The following SUGCT variants were observed in gnomAD, a reference collection of about 807,000 sequenced individuals.
The protein encoded by SUGCT is succinyl-CoA:glutarate-CoA transferase.
SUGCT carries 41 observed loss-of-function variants against 55.0 expected under a neutral mutation model. The ratio of observed to expected loss-of-function variants is 0.74; its 90% CI spans 0.58 to 0.97. The LOEUF (loss-of-function observed/expected upper bound fraction) is 0.97. SUGCT is among the 50% of genes least tolerant of loss of function. The pLI is 0.00. For missense variants in SUGCT, 568 were observed against 547.8 expected, an observed-to-expected ratio of 1.04 and a Z score of -0.37; for synonymous variants, 187 against 200.4, an observed-to-expected ratio of 0.93 and a Z score of 0.56.
At chr7:40,522,434 T>C (rs932752916) in intron 12 of SUGCT, among the ~76,000 whole-genome samples, 2 of 152,128 alleles carry the variant, frequency 1.3e-5, no homozygotes, top group African/African-American at 4.8e-5. Context: ...GTTGCTACCA[T>C]TGTAATATCT....
At chr7:40,956,745 A>G in the SUGCT span, among the ~76,000 whole-genome samples, 59,097 of 151,918 alleles carry the variant, frequency 0.39, 12,079 homozygotes, top group Admixed American at 0.5. Flanking sequence ...GGTTTCTCCT[A>G]TGGGCATTTA....
intron 9 of SUGCT, among the ~76,000 whole-genome samples, chr7:40,439,064 GTA>G (rs1183426693): frequency 0.02 from 540 of 27,046 alleles, 11 homozygotes; most frequent in East Asian, 0.051. Context: ...TATATATGGT[GTA>G]TATATATATA....
chr7:40,593,109 C>T (rs988786646), intron 12 of SUGCT, among the ~76,000 whole-genome samples: 6 of 152,074 alleles, frequency 3.9e-5, no homozygotes, highest in African/African-American at 1.4e-4. Flanking sequence ...AGGATATGGC[C>T]AGGTAAGAAG....
At chr7:40,197,022 A>C (rs1360230081) in intron 6 of SUGCT, among the ~76,000 whole-genome samples, 1 of 152,024 alleles carries the variant, frequency 6.6e-6, no homozygotes, top group Non-Finnish European at 1.5e-5. Flanking sequence ...TTTAGTAGAG[A>C]TGGGGTTTCA....
In SUGCT at chr7:40,747,163, A is replaced by C. The variant is rs1294053879; in HGVS notation, c.1090-2271A>C. 2.6e-5 allele frequency among the ~76,000 whole-genome samples: 4 copies of C among 152,176 alleles called. No homozygotes were observed. The East Asian group carries it at 7.7e-4, about 29-fold the overall frequency. ...CCAGCTCTTGAGTACAAACCTGGTG[A>C]TCCCAAAAGAAAGCATCTCTGTGTG... On this transcript the variant is annotated intron_variant, in intron 12 of 13. Coordinates refer to ENST00000335693, the MANE Select transcript of SUGCT (RefSeq NM_001193313.2).
At chr7:41,025,968 G>C in the SUGCT span, among the ~76,000 whole-genome samples, 2 of 152,136 alleles carry the variant, frequency 1.3e-5, no homozygotes. Flanking sequence ...GGGTCGAGGG[G>C]TGGACTCCAG....
At chr7:40,938,955 A>G in the SUGCT span, among the ~76,000 whole-genome samples, 2 of 152,260 alleles carry the variant, frequency 1.3e-5, no homozygotes, top group African/African-American at 2.4e-5. Context: ...CATCTTTGCA[A>G]TTGTGAATTG....
At chr7:40,969,636 C>T in the SUGCT span, among the ~76,000 whole-genome samples, 1 of 152,222 alleles carries the variant, frequency 6.6e-6, no homozygotes, top group Non-Finnish European at 1.5e-5. Context: ...GAATTACAGG[C>T]ATGAGCCGCT....
chr7:40,993,752 G>A, the SUGCT span, among the ~76,000 whole-genome samples: 44 of 152,268 alleles, frequency 2.9e-4, 1 homozygote, highest in South Asian at 6.2e-3. Context: ...ACTGGATGCC[G>A]CTCAGAGCTG....
the SUGCT span, among the ~76,000 whole-genome samples, chr7:40,997,130 C>G: frequency 3.3e-5 from 5 of 152,180 alleles, no homozygotes; most frequent in Admixed American, 2.0e-4. Flanking sequence ...TTTTAAACTG[C>G]CTGCTCCACC....
At chr7:40,350,009 T>C (rs964723700) in intron 9 of SUGCT, among the ~76,000 whole-genome samples, 1 of 152,146 alleles carries the variant, frequency 6.6e-6, no homozygotes, top group African/African-American at 2.4e-5. Context: ...TTTGTCAACA[T>C]AGATTTTTTA....
At position 40,591,027 on chromosome 7, in the gene SUGCT, T is replaced by A. The variant is rs115624843; in HGVS notation, c.1089+94641T>A. The stretch of plus-strand genomic sequence containing the variant: ...TTCATGCCTACTGACACAGCATCCA[T>A]TGTGCAGCCCATGGATCAAGGAGCA... On this transcript the variant is annotated intron_variant, in intron 12 of 13. Coordinates refer to ENST00000335693, the MANE Select transcript of SUGCT (RefSeq NM_001193313.2). Among the ~76,000 whole-genome samples, 1,472 of 152,292 alleles carry A rather than the reference T, an allele frequency of 9.7e-3. 19 individuals carry two copies. Among genetic ancestry groups the A allele is most frequent in the East Asian group, 0.03 (155 of 5,188 alleles).
intron 12 of SUGCT, among the ~76,000 whole-genome samples, chr7:40,506,630 ATTC>A (rs1583855475): frequency 6.6e-6 from 1 of 152,078 alleles, no homozygotes; most frequent in Admixed American, 6.5e-5. Context: ...ATTTTTAAAA[ATTC>A]TTCTTTCTTC....
At chr7:41,024,990 C>T in the SUGCT span, among the ~76,000 whole-genome samples, 1 of 152,098 alleles carries the variant, frequency 6.6e-6, no homozygotes, top group Non-Finnish European at 1.5e-5. Context: ...AATGAATATC[C>T]TAAATCTACA....
At chr7:40,186,520 A>C (rs1785519731) in intron 3 of SUGCT, among the ~76,000 whole-genome samples, 1 of 151,918 alleles carries the variant, frequency 6.6e-6, no homozygotes, top group Non-Finnish European at 1.5e-5. Flanking sequence ...TGGCCTCCCA[A>C]AGTGTTGGGA....
chr7:40,578,280 A>G (rs1162475138), intron 12 of SUGCT, among the ~76,000 whole-genome samples: 1 of 152,218 alleles, frequency 6.6e-6, no homozygotes, highest in Admixed American at 6.5e-5. Flanking sequence ...TGGGAAAACC[A>G]GGAAGACTGG....
At chr7:40,410,368 G>A (rs1414482282) in intron 9 of SUGCT, among the ~76,000 whole-genome samples, 2 of 151,922 alleles carry the variant, frequency 1.3e-5, no homozygotes, top group Non-Finnish European at 2.9e-5. Context: ...ATAAATGAAG[G>A]CAATAGGGAG....
intron 9 of SUGCT, among the ~76,000 whole-genome samples, chr7:40,362,765 A>G (rs1798218612): frequency 6.6e-6 from 1 of 152,258 alleles, no homozygotes; most frequent in African/African-American, 2.4e-5. Flanking sequence ...GTTTTTTTGT[A>G]TATTCACAAG....
chr7:40,272,866 G>A (rs1792184344), intron 7 of SUGCT, among the ~76,000 whole-genome samples: 1 of 147,108 alleles, frequency 6.8e-6, no homozygotes, highest in South Asian at 2.2e-4. Flanking sequence ...CACCATGTTG[G>A]CCAGGCTGGT....
Sources: allele counts gnomAD v4.1 joint callset (sites outside exome capture counted in the v4.1 genomes callset), GRCh38; gene constraint gnomAD v4.1.1; transcripts MANE v1.5; gene names NCBI Gene and HGNC (gene_info 2026-07-23, HGNC 2026-07-21).